The following RASEF variants were observed in gnomAD, a reference collection of about 807,000 sequenced individuals.
RASEF encodes RAS and EF-hand domain containing.
RASEF carries 68 observed loss-of-function variants against 90.1 expected under a neutral mutation model. That is an observed-to-expected ratio of 0.75 (90% CI 0.62 to 0.92). RASEF has a LOEUF of 0.92. RASEF is among the 40% of genes least tolerant of loss of function. The pLI, the probability that RASEF is intolerant of heterozygous loss-of-function variation, is 0.00. For synonymous variants in RASEF, 331 were observed against 345.2 expected (o/e 0.96, Z 0.46); for missense variants, 949 against 937.2 (o/e 1.01, Z -0.16).
upstream of RASEF, among the ~76,000 whole-genome samples, chr9:83,064,122 A>G (rs1183727679): frequency 6.6e-6 from 1 of 152,194 alleles, no homozygotes; most frequent in East Asian, 1.9e-4. Flanking sequence ...GTGATCATTA[A>G]GTAAGGGATA....
the RASEF span, among the ~76,000 whole-genome samples, chr9:83,120,368 A>T: frequency 2.0e-5 from 3 of 152,100 alleles, no homozygotes; most frequent in Non-Finnish European, 2.9e-5. Flanking sequence ...AAATATAGTC[A>T]GTTGCTTTGT....
chr9:83,091,899 G>A, the RASEF span, among the ~76,000 whole-genome samples: 1 of 151,942 alleles, frequency 6.6e-6, no homozygotes, highest in Non-Finnish European at 1.5e-5. Context: ...CACTGAGCTG[G>A]GGAGGGAGAT....
the RASEF span, chr9:83,201,240 A>G: frequency 1.3e-5 from 2 of 152,240 alleles, no homozygotes; most frequent in African/African-American, 4.8e-5. Flanking sequence ...TGTCTGGAAC[A>G]CAGTTCTCCT....
rs142709914 is a variant in RASEF at position 82,993,554 on chromosome 9, C to T, written c.1921-529G>A. On this transcript the variant is annotated intron_variant, in intron 14 of 16. Coordinates refer to ENST00000376447, the MANE Select transcript of RASEF (RefSeq NM_152573.4). ...AGTTATAAAACACACAGTAATTTTT[C>T]AACTATAATGAAACAAAAAGGGAGT... 1.3e-3 allele frequency among the ~76,000 whole-genome samples: 194 copies of T among 152,298 alleles called. 1 individual carries two copies. Among genetic ancestry groups the T allele is most frequent in the Admixed American group, 2.0e-3 (31 of 15,302 alleles).
At chr9:83,015,263 T>C (rs1374911424) in intron 4 of RASEF, among the ~76,000 whole-genome samples, 1 of 152,180 alleles carries the variant, frequency 6.6e-6, no homozygotes, top group Non-Finnish European at 1.5e-5. Flanking sequence ...ACTAAGCTGG[T>C]GAAGACCAAG....
At chr9:83,183,892 A>T in the RASEF span, among the ~76,000 whole-genome samples, 2 of 152,218 alleles carry the variant, frequency 1.3e-5, no homozygotes, top group East Asian at 1.9e-4. Flanking sequence ...AGCTTTCCTC[A>T]TATAGCAGCA....
the RASEF span, among the ~76,000 whole-genome samples, chr9:83,107,612 C>T: frequency 6.6e-6 from 1 of 152,182 alleles, no homozygotes; most frequent in Non-Finnish European, 1.5e-5. Flanking sequence ...TTGATAGAAG[C>T]TAAATCAACA....
At chr9:83,063,374 G>T (rs1307609321), upstream of RASEF, among the ~76,000 whole-genome samples, 2 of 152,220 alleles carry the variant, frequency 1.3e-5, no homozygotes, top group Non-Finnish European at 2.9e-5. Flanking sequence ...CTTCTCCACA[G>T]AACGTGCTGG....
chr9:83,028,167 T>C (rs1253345307), intron 1 of RASEF, among the ~76,000 whole-genome samples: 8 of 152,214 alleles, frequency 5.3e-5, no homozygotes, highest in Admixed American at 2.6e-4. Flanking sequence ...ATGTTGGGGA[T>C]AGCTAATAAT....
At chr9:83,078,658 T>C in the RASEF span, among the ~76,000 whole-genome samples, 1 of 150,600 alleles carries the variant, frequency 6.6e-6, no homozygotes, top group Non-Finnish European at 1.5e-5. Flanking sequence ...AACTAGACCC[T>C]GTCTAAAGAA....
intron 1 of RASEF, among the ~76,000 whole-genome samples, chr9:83,031,135 G>A (rs1829638323): frequency 6.6e-6 from 1 of 152,160 alleles, no homozygotes; most frequent in Admixed American, 6.5e-5. Context: ...CTTGTTCTTT[G>A]TTACAAAGCC....
intron 1 of RASEF, among the ~76,000 whole-genome samples, chr9:83,058,987 C>A (rs1830152593): frequency 6.6e-6 from 1 of 152,138 alleles, no homozygotes; most frequent in Non-Finnish European, 1.5e-5. Flanking sequence ...ACCTGCCACA[C>A]CCTCAGGTAC....
At chr9:83,122,441 A>T in the RASEF span, among the ~76,000 whole-genome samples, 4 of 152,300 alleles carry the variant, frequency 2.6e-5, no homozygotes, top group African/African-American at 9.6e-5. Context: ...CAGCCAAAGG[A>T]GGAGGGAGAA....
At chr9:83,182,518 A>G in the RASEF span, among the ~76,000 whole-genome samples, 1 of 152,232 alleles carries the variant, frequency 6.6e-6, no homozygotes, top group African/African-American at 2.4e-5. Flanking sequence ...GTGATTAATT[A>G]ACAAAATTGC....
At chr9:82,982,816 A>T in intron 16 of RASEF, 34 bp from the exon 17 acceptor site, 1 of 1,117,452 alleles carries the variant, frequency 8.9e-7, no homozygotes, top group Non-Finnish European at 1.4e-6. Context: ...AGAGAGAGAG[A>T]GAGAGAGAGA....
intron 1 of RASEF, among the ~76,000 whole-genome samples, chr9:83,030,023 A>T (rs2118593402): frequency 6.6e-6 from 1 of 152,296 alleles, no homozygotes; most frequent in East Asian, 1.9e-4. Context: ...TAAAAAGCAT[A>T]AAAACCTGCT....
chr9:83,026,244 A>G lies in RASEF; in HGVS notation c.432-323T>C, dbSNP rs572623563. 1.0e-3 allele frequency among the ~76,000 whole-genome samples: 154 copies of G among 152,338 alleles called. No individual in the cohort carries two copies. The Middle Eastern group carries it at 0.01, about 10-fold the overall frequency. ...CAGAAAAATTAGGTAACATTAAATC[A>G]GTTACTTAATTCCATGTTTCATCCA... is the stretch of plus-strand genomic sequence containing the variant. On this transcript the variant is annotated intron_variant, in intron 1 of 16. Coordinates refer to ENST00000376447, the MANE Select transcript of RASEF (RefSeq NM_152573.4).
chr9:83,099,375 T>G, the RASEF span, among the ~76,000 whole-genome samples: 2 of 152,208 alleles, frequency 1.3e-5, no homozygotes, highest in Admixed American at 6.5e-5. Flanking sequence ...GGGTCTGATG[T>G]TCCAGGGCAT....
At chr9:83,132,435 C>A in the RASEF span, among the ~76,000 whole-genome samples, 2 of 152,134 alleles carry the variant, frequency 1.3e-5, no homozygotes, top group Non-Finnish European at 2.9e-5. Flanking sequence ...TTGAAACATC[C>A]TAAGCCAGAA....
Sources: gnomAD v4.1 joint callset for allele counts (sites outside exome capture counted in the v4.1 genomes callset) on GRCh38, gnomAD v4.1.1 for gene constraint, MANE v1.5 for transcripts, NCBI Gene and HGNC (gene_info 2026-07-23, HGNC 2026-07-21) for gene names.